The following MTCL1 variants were observed in gnomAD, a reference collection of about 807,000 sequenced individuals.
The protein encoded by MTCL1 is microtubule crosslinking factor 1.
MTCL1 carries 79 observed loss-of-function variants against 141.4 expected under a neutral mutation model. The observed-to-expected ratio is 0.56, with a 90% CI of 0.47 to 0.67. The LOEUF (loss-of-function observed/expected upper bound fraction) is 0.67, where lower values mean the gene tolerates loss of function less well. Ranked by LOEUF, MTCL1 falls within the 30% of genes least tolerant of loss-of-function variation. The pLI is 0.00. For synonymous variants in MTCL1, 914 were observed against 875.8 expected (o/e 1.04, Z -0.77); for missense variants, 2,177 against 2,113.9 (o/e 1.03, Z -0.59).
chr18:8,706,776 ACCCGCCAAC>A, intron 1 of MTCL1, 63 bp downstream of exon 1: 2 of 1,527,452 alleles, frequency 1.3e-6, no homozygotes, highest in African/African-American at 2.8e-5. Context: ...TGCGGCGGGG[ACCCGCCAAC>A]CCCTCCTTCC....
intron 1 of MTCL1, among the ~76,000 whole-genome samples, chr18:8,710,888 C>CTTTTTTTTTTTTTTTTTTTTTTTT (rs71356255): frequency 1.2e-5 from 1 of 80,934 alleles, no homozygotes; most frequent in Admixed American, 1.7e-4. Context: ...TTTTTTTTTA[C>CTTTTTTTTTTTTTTTTTTTTTTTT]TTTTTTTTTT....
chr18:8,720,192 A>T, intron 3 of MTCL1, 146 bp from the exon 3 acceptor site: 1 of 715,878 alleles, frequency 1.4e-6, no homozygotes, highest in Non-Finnish European at 2.3e-6. Flanking sequence ...TCCTCCTTTT[A>T]ACAATAAGTC....
intron 4 of MTCL1, among the ~76,000 whole-genome samples, chr18:8,747,403 C>T (rs1400368355): frequency 6.6e-6 from 1 of 152,204 alleles, no homozygotes; most frequent in Non-Finnish European, 1.5e-5. Flanking sequence ...GGCACGCTGT[C>T]TGGAAAGGCC....
chr18:8,831,521 G>A (rs1172468606), intron 16 of MTCL1, 86 bp from the exon 15 acceptor site: 6 of 1,506,946 alleles, frequency 4.0e-6, no homozygotes, highest in Non-Finnish European at 5.4e-6. Context: ...TCTCACTTGA[G>A]TCTGTTGAGA....
intron 13 of MTCL1, among the ~76,000 whole-genome samples, chr18:8,819,594 T>G (rs537786335): frequency 6.6e-6 from 1 of 152,164 alleles, no homozygotes; most frequent in African/African-American, 2.4e-5. Flanking sequence ...TATGCTCAAC[T>G]TTTTCTTTTT....
chr18:8,764,494 T>C (rs559973109), intron 4 of MTCL1, among the ~76,000 whole-genome samples: 90 of 152,164 alleles, frequency 5.9e-4, no homozygotes, highest in African/African-American at 2.1e-3. Context: ...TTTTTTGTAT[T>C]TTTAGTAGAG....
In MTCL1 at chr18:8,783,671, G is replaced by A. The variant is rs750298556; in HGVS notation, c.559G>A (p.Val187Met). 6.8e-6 allele frequency: 11 copies of A among 1,612,070 alleles called. No individual in the cohort carries two copies. In the Admixed American group the frequency reaches 1.8e-4, roughly 27 times the overall value. Reference sequence around the variant, plus strand: ...GAAGTACAAGTCCCTCTATGGGGATGTGGACAGTCCCCTGCCCACGGGGGA... The same window carrying A: ...GAAGTACAAGTCCCTCTATGGGGATATGGACAGTCCCCTGCCCACGGGGGA... Residue 187 changes from valine (V) to methionine (M), a missense_variant, in exon 6 of 17, where the codon GTG (valine) becomes ATG (methionine). Coordinates refer to ENST00000359865, the Ensembl canonical transcript of MTCL1.
intron 13 of MTCL1, among the ~76,000 whole-genome samples, chr18:8,821,016 A>G (rs1234385847): frequency 1.3e-5 from 2 of 152,246 alleles, no homozygotes; most frequent in African/African-American, 4.8e-5. Flanking sequence ...CAACTTCTAC[A>G]GCAAGATCGG....
At chr18:8,747,026 C>T (rs981590255) in intron 4 of MTCL1, among the ~76,000 whole-genome samples, 4 of 152,120 alleles carry the variant, frequency 2.6e-5, no homozygotes, top group African/African-American at 4.8e-5. Flanking sequence ...GCCTGGGTAT[C>T]GCGACGATGC....
At chr18:8,819,671 C>T (rs978321996) in intron 13 of MTCL1, among the ~76,000 whole-genome samples, 3 of 152,040 alleles carry the variant, frequency 2.0e-5, no homozygotes, top group Non-Finnish European at 2.9e-5. Context: ...TGTCTGATAA[C>T]GACTCACCAC....
chr18:8,801,713 CT>C (rs1210997177), intron 10 of MTCL1: 1 of 152,216 alleles, frequency 6.6e-6, no homozygotes, highest in Non-Finnish European at 1.5e-5. Context: ...TAATGGCCAC[CT>C]GATTTTCATC....
intron 6 of MTCL1, chr18:8,785,595 G>A (rs1304461518): frequency 3.6e-6 from 1 of 278,048 alleles, no homozygotes; most frequent in East Asian, 8.9e-5. Context: ...TTCACGGGTA[G>A]CGTGCTTGCG....
At chr18:8,764,558 C>G (rs560763651) in intron 4 of MTCL1, among the ~76,000 whole-genome samples, 1 of 152,178 alleles carries the variant, frequency 6.6e-6, no homozygotes, top group African/African-American at 2.4e-5. Context: ...CCTCAGGTGA[C>G]CCACCTGCCT....
chr18:8,784,250 C>T, exon 6 of MTCL1: 1 of 1,606,776 alleles, frequency 6.2e-7, no homozygotes, highest in Non-Finnish European at 8.5e-7. Context: ...GCTGCGTGCC[C>T]CCAGTCCCCG....
chr18:8,709,624 G>A (rs1027836658), intron 1 of MTCL1, among the ~76,000 whole-genome samples: 10 of 152,100 alleles, frequency 6.6e-5, no homozygotes, highest in African/African-American at 9.7e-5. Context: ...TAAGAGGCTC[G>A]GCCCACAAAT....
At chr18:8,739,920 G>A (rs1456400425) in intron 4 of MTCL1, among the ~76,000 whole-genome samples, 4 of 152,096 alleles carry the variant, frequency 2.6e-5, no homozygotes, top group Admixed American at 6.6e-5. Context: ...TTTAGTAGAG[G>A]TGGGGTTTCA....
intron 4 of MTCL1, among the ~76,000 whole-genome samples, chr18:8,728,110 C>T (rs2096228202): frequency 6.6e-6 from 1 of 152,152 alleles, no homozygotes; most frequent in Admixed American, 6.6e-5. Context: ...TCTTGTCTTT[C>T]ATATGTTTTA....
intron 4 of MTCL1, among the ~76,000 whole-genome samples, chr18:8,739,242 C>G (rs1353891182): frequency 6.6e-6 from 1 of 151,988 alleles, no homozygotes; most frequent in Admixed American, 6.6e-5. Flanking sequence ...GAGACCCTGT[C>G]TCTAAAAAAA....
At chr18:8,784,891 CCTT>C (rs2096545979) in intron 6 of MTCL1, 48 bp downstream of exon 5, 6 of 1,479,030 alleles carry the variant, frequency 4.1e-6, no homozygotes, top group Non-Finnish European at 4.5e-6. Flanking sequence ...TGCTCTTCCT[CCTT>C]CTCGCTGGCA....
Sources: gnomAD v4.1 joint callset for allele counts (sites outside exome capture counted in the v4.1 genomes callset) on GRCh38, gnomAD v4.1.1 for gene constraint, MANE v1.5 for transcripts, NCBI Gene and HGNC (gene_info 2026-07-23, HGNC 2026-07-21) for gene names.